SEMA6D: variants seen among roughly 807,000 people sequenced by gnomAD.
SEMA6D encodes the protein semaphorin 6D, also known as semaphorin-6D.
A neutral mutation model predicts 106.6 loss-of-function variants in SEMA6D; 35 were observed. The ratio of observed to expected loss-of-function variants is 0.33; its 90% CI spans 0.25 to 0.44. The LOEUF is 0.44. Ranked by LOEUF, SEMA6D falls within the 20% of genes least tolerant of loss-of-function variation. SEMA6D has a pLI of 1.00. For missense variants in SEMA6D, 1,185 were observed against 1,345.9 expected (o/e 0.88, Z 1.87); for synonymous variants, 499 against 487.7 (o/e 1.02, Z -0.31).
chr15:47,662,763 T>A (rs535654991), intron 4 of SEMA6D, among the ~76,000 whole-genome samples: 1 of 152,228 alleles, frequency 6.6e-6, no homozygotes, highest in African/African-American at 2.4e-5. Flanking sequence ...AAGACTGTTT[T>A]AAGCAGATGG....
chr15:47,656,415 TG>T (rs1254757919), intron 4 of SEMA6D, among the ~76,000 whole-genome samples: 1 of 152,210 alleles, frequency 6.6e-6, no homozygotes, highest in Non-Finnish European at 1.5e-5. Flanking sequence ...GTGTCCAGCG[TG>T]GTACCTGGCA....
chr15:47,747,004 T>TATATATATATATA (rs1567066510), intron 1 of SEMA6D, among the ~76,000 whole-genome samples: 11 of 62,436 alleles, frequency 1.8e-4, no homozygotes, highest in African/African-American at 5.2e-4. Flanking sequence ...ATATATATAT[T>TATATATATATATA]TCGATTGTAG....
chr15:47,543,200 G>A (rs190408917), intron 3 of SEMA6D, among the ~76,000 whole-genome samples: 169 of 152,230 alleles, frequency 1.1e-3, no homozygotes, highest in Admixed American at 0.011. Context: ...TCATGATGAA[G>A]CATAGTGCTA....
chr15:47,286,448 A>G (rs895460629), intron 1 of SEMA6D, among the ~76,000 whole-genome samples: 1 of 152,222 alleles, frequency 6.6e-6, no homozygotes, highest in Non-Finnish European at 1.5e-5. Flanking sequence ...ACACATTAAT[A>G]TAAACATATG....
intron 4 of SEMA6D, among the ~76,000 whole-genome samples, chr15:47,690,929 C>T (rs2078573965): frequency 6.6e-6 from 1 of 152,072 alleles, no homozygotes; most frequent in Non-Finnish European, 1.5e-5. Flanking sequence ...TTTCATGTCG[C>T]CTTAGTCTCC....
intron 3 of SEMA6D, among the ~76,000 whole-genome samples, chr15:47,542,168 A>T (rs2045374790): frequency 6.6e-6 from 1 of 152,200 alleles, no homozygotes; most frequent in Non-Finnish European, 1.5e-5. Flanking sequence ...GTAATATTAG[A>T]TCCTATTTTC....
In SEMA6D at chr15:47,620,747, TA is replaced by T. The variant is rs747627319; in HGVS notation, c.-55+19852del. 2.7e-3 allele frequency among the ~76,000 whole-genome samples: 413 copies of T among 151,868 alleles called. 3 individuals carry two copies. The highest frequency in any genetic ancestry group is 5.1e-3 in the Admixed American group (77 of 15,232). ...ATATATATTCTTTGTGCAAATATTT[TA>T]TTGTGAGTGTGGGTTTTTTTTAACC... On this transcript the variant is annotated intron_variant, in intron 4 of 19. Transcript: ENST00000558014.
At chr15:47,281,719 C>G (rs546203950) in intron 1 of SEMA6D, among the ~76,000 whole-genome samples, 8 of 152,138 alleles carry the variant, frequency 5.3e-5, no homozygotes, top group African/African-American at 1.9e-4. Context: ...ATAATGTTAA[C>G]ATAAATTTTA....
intron 1 of SEMA6D, among the ~76,000 whole-genome samples, chr15:47,759,342 G>A (rs1422042887): frequency 6.6e-6 from 1 of 152,132 alleles, no homozygotes; most frequent in African/African-American, 2.4e-5. Flanking sequence ...TTTATGCGGG[G>A]CAGAGACAAG....
intron 3 of SEMA6D, among the ~76,000 whole-genome samples, chr15:47,500,830 A>G (rs370267946): frequency 5.9e-5 from 9 of 152,232 alleles, no homozygotes; most frequent in African/African-American, 2.2e-4. Context: ...TCAGAAAGGT[A>G]CATTTGCCTA....
chr15:47,512,619 C>T (rs1468728719), intron 3 of SEMA6D, among the ~76,000 whole-genome samples: 2 of 152,110 alleles, frequency 1.3e-5, no homozygotes, highest in African/African-American at 4.8e-5. Context: ...ATGGCTGAGA[C>T]TATTCTTAAA....
chr15:47,299,224 A>G (rs2035925563), intron 1 of SEMA6D, among the ~76,000 whole-genome samples: 1 of 152,206 alleles, frequency 6.6e-6, no homozygotes, highest in African/African-American at 2.4e-5. Flanking sequence ...GACAAGACAC[A>G]CCATTGCTTT....
intron 4 of SEMA6D, among the ~76,000 whole-genome samples, chr15:47,671,087 G>A (rs80112360): frequency 0.018 from 2,669 of 152,228 alleles, 83 homozygotes; most frequent in African/African-American, 0.061. Flanking sequence ...TTTCCCTGCA[G>A]TGTTGATAAC....
At chr15:47,667,331 A>G (rs1178853408) in intron 4 of SEMA6D, among the ~76,000 whole-genome samples, 1 of 152,210 alleles carries the variant, frequency 6.6e-6, no homozygotes, top group Non-Finnish European at 1.5e-5. Context: ...AACACCATTC[A>G]AACACAAAAT....
intron 3 of SEMA6D, among the ~76,000 whole-genome samples, chr15:47,517,352 G>C (rs1271816416): frequency 3.3e-5 from 5 of 152,052 alleles, no homozygotes; most frequent in African/African-American, 1.2e-4. Context: ...CCTCCTACTT[G>C]AAGGACTCTG....
chr15:47,240,433 T>C (rs985884091), intron 1 of SEMA6D, among the ~76,000 whole-genome samples: 1 of 152,208 alleles, frequency 6.6e-6, no homozygotes, highest in Non-Finnish European at 1.5e-5. Flanking sequence ...AGTAAAGCAC[T>C]TAATACAATA....
At chr15:47,730,663 G>C (rs564272549) in intron 1 of SEMA6D, 1 of 1,607,460 alleles carries the variant, frequency 6.2e-7, no homozygotes, top group Admixed American at 1.7e-5. Flanking sequence ...TATGCAGCTC[G>C]CTGTTTGGCG....
At chr15:47,736,441 A>G (rs758704266) in intron 1 of SEMA6D, among the ~76,000 whole-genome samples, 1 of 152,252 alleles carries the variant, frequency 6.6e-6, no homozygotes, top group East Asian at 1.9e-4. Flanking sequence ...CCAAGCAGCT[A>G]TGTATCTTCA....
chr15:47,379,107 A>T (rs541989050), intron 1 of SEMA6D, among the ~76,000 whole-genome samples: 1 of 152,190 alleles, frequency 6.6e-6, no homozygotes, highest in Non-Finnish European at 1.5e-5. Flanking sequence ...TGAACTTATA[A>T]AGCCTTTATT....
Sources: allele counts gnomAD v4.1 joint callset (sites outside exome capture counted in the v4.1 genomes callset), GRCh38; gene constraint gnomAD v4.1.1; transcripts MANE v1.5; gene names NCBI Gene and HGNC (gene_info 2026-07-23, HGNC 2026-07-21).